The following NARS2 variants were observed in gnomAD, a reference collection of about 807,000 sequenced individuals.
NARS2 encodes asparaginyl-tRNA synthetase.
NARS2 carries 60 observed loss-of-function variants against 62.9 expected under a neutral mutation model. That is an observed-to-expected ratio of 0.95 (90% CI 0.77 to 1.18). The LOEUF (loss-of-function observed/expected upper bound fraction) is 1.18. Ranked by LOEUF, NARS2 falls within the 50% of genes most tolerant of loss-of-function variation. The pLI, the probability that NARS2 is intolerant of heterozygous loss-of-function variation, is 0.00. For missense variants in NARS2, 619 were observed against 576.4 expected (o/e 1.07, Z -0.76); for synonymous variants, 196 against 200.0 (o/e 0.98, Z 0.17).
At chr11:78,538,774 T>C (rs1353886491) in intron 5 of NARS2, among the ~76,000 whole-genome samples, 1 of 151,456 alleles carries the variant, frequency 6.6e-6, no homozygotes, top group Non-Finnish European at 1.5e-5. Flanking sequence ...GGCGGGCGGA[T>C]CACGAGGTCA....
chr11:78,488,336 T>C (rs1565231754), intron 7 of NARS2, among the ~76,000 whole-genome samples: 1 of 152,074 alleles, frequency 6.6e-6, no homozygotes, highest in Non-Finnish European at 1.5e-5. Flanking sequence ...ACAAGGATCC[T>C]TTACGTGAAA....
At chr11:78,513,224 T>C (rs896028479) in intron 6 of NARS2, among the ~76,000 whole-genome samples, 2 of 152,144 alleles carry the variant, frequency 1.3e-5, no homozygotes, top group Non-Finnish European at 2.9e-5. Flanking sequence ...CACTCTAGCC[T>C]GGGTGACGGA....
chr11:78,459,887 T>C (rs1282406896), intron 11 of NARS2, among the ~76,000 whole-genome samples: 1 of 152,178 alleles, frequency 6.6e-6, no homozygotes. Flanking sequence ...TCTCTGGGTG[T>C]GAAACTTAAC....
chr11:78,465,233 C>T (rs887377622), intron 11 of NARS2, among the ~76,000 whole-genome samples: 14 of 152,378 alleles, frequency 9.2e-5, no homozygotes, highest in East Asian at 3.9e-4. Context: ...ACCTGGAACT[C>T]GCACTGGCCC....
intron 6 of NARS2, among the ~76,000 whole-genome samples, chr11:78,517,133 A>C (rs1860943412): frequency 6.6e-6 from 1 of 152,234 alleles, no homozygotes; most frequent in African/African-American, 2.4e-5. Context: ...TGTGCTTAGA[A>C]TATTATAAGC....
At chr11:78,451,841 G>C (rs1286007232) in intron 11 of NARS2, among the ~76,000 whole-genome samples, 1 of 152,120 alleles carries the variant, frequency 6.6e-6, no homozygotes, top group Non-Finnish European at 1.5e-5. Flanking sequence ...ATTCCAGTGT[G>C]CTTTTAGAGT....
chr11:78,564,700 T>C (rs948561536), intron 4 of NARS2, among the ~76,000 whole-genome samples: 5 of 152,180 alleles, frequency 3.3e-5, no homozygotes, highest in Non-Finnish European at 7.3e-5. Context: ...TTTTTACAAT[T>C]GTGTGGTTCA....
intron 6 of NARS2, among the ~76,000 whole-genome samples, chr11:78,512,665 G>A (rs990801927): frequency 3.9e-5 from 6 of 152,170 alleles, no homozygotes; most frequent in African/African-American, 1.4e-4. Context: ...ATTTGAACAA[G>A]ATCAGTACTT....
chr11:78,496,919 T>C (rs1860082497), intron 6 of NARS2, among the ~76,000 whole-genome samples: 1 of 152,148 alleles, frequency 6.6e-6, no homozygotes, highest in Admixed American at 6.5e-5. Flanking sequence ...TTCTTTCTTT[T>C]TTCCTATCTT....
At chr11:78,448,623 G>A (rs762082652) in intron 11 of NARS2, among the ~76,000 whole-genome samples, 1 of 152,022 alleles carries the variant, frequency 6.6e-6, no homozygotes, top group Non-Finnish European at 1.5e-5. Context: ...AATCACTTTT[G>A]ATACTTTAAG....
intron 6 of NARS2, among the ~76,000 whole-genome samples, chr11:78,509,238 C>T (rs1292285786): frequency 1.3e-5 from 2 of 151,678 alleles, no homozygotes; most frequent in Non-Finnish European, 2.9e-5. Flanking sequence ...TTTGGCAAAA[C>T]TGTCCTTCAA....
chr11:78,461,064 CATT>C (rs1858375399), intron 11 of NARS2, among the ~76,000 whole-genome samples: 1 of 152,156 alleles, frequency 6.6e-6, no homozygotes, highest in Non-Finnish European at 1.5e-5. Context: ...ATAAGGGACT[CATT>C]AGTATCCTCG....
At chr11:78,533,524 G>C (rs182004326) in intron 5 of NARS2, among the ~76,000 whole-genome samples, 1 of 152,204 alleles carries the variant, frequency 6.6e-6, no homozygotes, top group Admixed American at 6.5e-5. Context: ...CAGATCTAAA[G>C]CTCCATTCAA....
At chr11:78,536,921 T>G (rs1207739418) in intron 5 of NARS2, among the ~76,000 whole-genome samples, 1 of 152,230 alleles carries the variant, frequency 6.6e-6, no homozygotes, top group Non-Finnish European at 1.5e-5. Flanking sequence ...TTTTATACTG[T>G]ATTTTTATCG....
intron 11 of NARS2, among the ~76,000 whole-genome samples, chr11:78,459,249 GT>G (rs376715938): frequency 5.6e-5 from 8 of 143,188 alleles, no homozygotes; most frequent in Admixed American, 1.4e-4. Context: ...TTTTGTCGTT[GT>G]TTTTTTTTTG....
chr11:78,442,477 C>A (rs1857605064), intron 12 of NARS2, among the ~76,000 whole-genome samples: 1 of 152,160 alleles, frequency 6.6e-6, no homozygotes. Context: ...GAAAAAGCAT[C>A]AACTTTTAAA....
intron 5 of NARS2, among the ~76,000 whole-genome samples, chr11:78,545,357 T>A (rs1268197117): frequency 1.3e-5 from 2 of 152,104 alleles, no homozygotes; most frequent in Non-Finnish European, 2.9e-5. Flanking sequence ...TTCCCACTAA[T>A]CTTCCTCTCT....
At chr11:78,506,037 G>T (rs1184474699) in intron 6 of NARS2, among the ~76,000 whole-genome samples, 2 of 151,826 alleles carry the variant, frequency 1.3e-5, no homozygotes, top group Non-Finnish European at 2.9e-5. Flanking sequence ...AAAATTGGAT[G>T]AAAAAAATTG....
At chr11:78,503,734 A>G (rs1860375744) in intron 6 of NARS2, among the ~76,000 whole-genome samples, 1 of 152,262 alleles carries the variant, frequency 6.6e-6, no homozygotes, top group African/African-American at 2.4e-5. Flanking sequence ...CAAAGGAACC[A>G]TCAAAAAGTA....
Sources: gnomAD v4.1 joint callset for allele counts (sites outside exome capture counted in the v4.1 genomes callset) on GRCh38, gnomAD v4.1.1 for gene constraint, MANE v1.5 for transcripts, NCBI Gene and HGNC (gene_info 2026-07-23, HGNC 2026-07-21) for gene names.